FNDC1: variants seen among roughly 807,000 people sequenced by gnomAD.
FNDC1 encodes the protein fibronectin type III domain-containing protein 1.
In FNDC1, 96 loss-of-function variants were observed where a neutral mutation model predicts 168.0. The observed-to-expected ratio is 0.57, with a 90% confidence interval of 0.48 to 0.68. The LOEUF (loss-of-function observed/expected upper bound fraction) is 0.68, where lower values mean the gene tolerates loss of function less well. Ranked by LOEUF, FNDC1 falls within the 30% of genes least tolerant of loss-of-function variation. FNDC1 has a pLI of 0.00. For synonymous variants in FNDC1, 1,099 were observed against 1,025.9 expected (o/e 1.07, Z -1.36); for missense variants, 2,587 against 2,482.1 (o/e 1.04, Z -0.90).
intron 22 of FNDC1, among the ~76,000 whole-genome samples, chr6:159,270,365 G>A (rs1199159807): frequency 6.6e-6 from 1 of 152,186 alleles, no homozygotes; most frequent in Non-Finnish European, 1.5e-5. Flanking sequence ...CAGATATATA[G>A]CCTAGTCCAG....
intron 22 of FNDC1, 46 bp downstream of exon 22, chr6:159,267,972 C>G (rs560889): frequency 0.3 from 467,900 of 1,573,222 alleles, 74,078 homozygotes; most frequent in African/African-American, 0.57. Flanking sequence ...AGGTGGGAGA[C>G]AAGGATTAAT....
intron 1 of FNDC1, among the ~76,000 whole-genome samples, chr6:159,170,702 G>A (rs1781635018): frequency 6.6e-6 from 1 of 152,130 alleles, no homozygotes. Flanking sequence ...AGAAAAGTTG[G>A]GGATCACATT....
intron 8 of FNDC1, 106 bp from the exon 9 acceptor site, chr6:159,226,367 G>A (rs1323979405): frequency 1.0e-5 from 8 of 778,202 alleles, no homozygotes; most frequent in African/African-American, 1.8e-5. Flanking sequence ...AATTAACACA[G>A]TAGGTCTTCA....
At chr6:159,220,822 G>T (rs426709) in intron 5 of FNDC1, among the ~76,000 whole-genome samples, 69,387 of 151,652 alleles carry the variant, frequency 0.46, 17,259 homozygotes, top group East Asian at 0.66. Flanking sequence ...CCCTCCCTGT[G>T]CACGGGTTTG....
rs372728784 is a variant in FNDC1 at position 159,251,446 on chromosome 6, G to A, written c.4979G>A (p.Arg1660His). 61 of 1,613,696 alleles carry A rather than the reference G, an allele frequency of 3.8e-5. No homozygotes were observed. The highest frequency in any genetic ancestry group is 1.6e-4 in the Middle Eastern group (1 of 6,084). The change falls in exon 17 of 23, where the codon CGC becomes CAC. Residue 1660 changes from arginine to histidine, a missense_variant. Coordinates refer to ENST00000297267, the MANE Select transcript of FNDC1 (RefSeq NM_032532.3). Reference sequence around the variant, plus strand: ...GACCTGCCTCCCCAGCATGCTCCCCGCAACATCACCGTGGTGGCCGTGGAA... The same window carrying A: ...GACCTGCCTCCCCAGCATGCTCCCCACAACATCACCGTGGTGGCCGTGGAA... ...KSDLPPQHAP[R>H]NITVVAVEGC...
chr6:159,180,960 A>C (rs988605783), intron 1 of FNDC1, among the ~76,000 whole-genome samples: 2 of 152,186 alleles, frequency 1.3e-5, no homozygotes, highest in African/African-American at 2.4e-5. Flanking sequence ...ATGTATCTTT[A>C]TAATAGAATT....
Position 159,231,972 on chromosome 6 carries a change from C to T in FNDC1, c.1460C>T (p.Ser487Phe). The T allele has an allele frequency of 1.2e-6, 2 of 1,614,014 alleles. No homozygotes were observed. The highest frequency in any genetic ancestry group is 1.7e-6 in the Non-Finnish European group (2 of 1,179,892). The change falls in exon 11 of 23, where the codon TCC becomes TTC. Residue 487 changes from serine (S) to phenylalanine (F), a missense_variant. By Grantham distance (155) the Ser-to-Phe change is radical. Coordinates refer to ENST00000297267, the MANE Select transcript of FNDC1 (RefSeq NM_032532.3). ...PSSPSPRAPASSQHPSVPASP... is the reference protein window; with the variant it reads ...PSSPSPRAPAFSQHPSVPASP... ...TCACCTTCTCCCAGAGCTCCAGCTTCCTCCCAACACCCCTCTGTGCCTGCT... is the reference window on the plus strand; with the variant it reads ...TCACCTTCTCCCAGAGCTCCAGCTTTCTCCCAACACCCCTCTGTGCCTGCT...
intron 4 of FNDC1, among the ~76,000 whole-genome samples, chr6:159,207,256 TA>T (rs757711003): frequency 9.9e-5 from 15 of 152,136 alleles, no homozygotes; most frequent in Non-Finnish European, 1.9e-4. Context: ...GGCCCTTTCT[TA>T]GGACACCAGG....
chr6:159,194,072 G>GTCTT (rs1352851207), intron 1 of FNDC1, among the ~76,000 whole-genome samples: 2 of 152,202 alleles, frequency 1.3e-5, no homozygotes, highest in Non-Finnish European at 2.9e-5. Flanking sequence ...GCTCTTACTG[G>GTCTT]CTTTCTTCTT....
intron 15 of FNDC1, 25 bp from the exon 16 acceptor site, chr6:159,249,014 T>C: frequency 6.3e-7 from 1 of 1,579,542 alleles, no homozygotes; most frequent in Non-Finnish European, 8.6e-7. Flanking sequence ...CAGTGCCCAA[T>C]TACAGAGCCT....
intron 19 of FNDC1, among the ~76,000 whole-genome samples, chr6:159,261,850 C>A (rs986207188): frequency 6.6e-6 from 1 of 152,112 alleles, no homozygotes; most frequent in African/African-American, 2.4e-5. Flanking sequence ...GCCTGTAATC[C>A]CAACACTTTG....
chr6:159,181,861 G>A (rs553083137), intron 1 of FNDC1, among the ~76,000 whole-genome samples: 10 of 152,322 alleles, frequency 6.6e-5, no homozygotes, highest in African/African-American at 1.9e-4. Flanking sequence ...TCCATGGGCC[G>A]TGGATCTGAC....
At chr6:159,196,713 A>T (rs1782247693) in intron 1 of FNDC1, among the ~76,000 whole-genome samples, 1 of 152,200 alleles carries the variant, frequency 6.6e-6, no homozygotes, top group African/African-American at 2.4e-5. Context: ...TCAGTTACAT[A>T]GTGAGTAGAG....
intron 19 of FNDC1, among the ~76,000 whole-genome samples, chr6:159,261,995 C>A (rs1466521619): frequency 9.9e-5 from 15 of 152,098 alleles, no homozygotes; most frequent in Non-Finnish European, 1.5e-5. Flanking sequence ...GTAGTCCCAG[C>A]TACTCAGGAG....
In FNDC1 at chr6:159,185,875, C is replaced by A. The variant is rs554990330; in HGVS notation, c.110-11556C>A. Reference sequence around the variant, plus strand: ...TAGTAGAAGGCAAGGGAGAAAGAAGCTGGGAATAGCTTTTGGGTAGCCAAT... The same window carrying A: ...TAGTAGAAGGCAAGGGAGAAAGAAGATGGGAATAGCTTTTGGGTAGCCAAT... On this transcript the variant is annotated intron_variant, in intron 1 of 22. Coordinates refer to ENST00000297267, the MANE Select transcript of FNDC1 (RefSeq NM_032532.3). Among the ~76,000 whole-genome samples the A allele has an allele frequency of 3.0e-4, 45 of 152,272 alleles. 2 individuals carry two copies. The South Asian group carries it at 9.3e-3, about 32-fold the overall frequency.
intron 1 of FNDC1, among the ~76,000 whole-genome samples, chr6:159,179,917 C>G (rs1289596957): frequency 1.3e-5 from 2 of 152,152 alleles, no homozygotes; most frequent in Non-Finnish European, 2.9e-5. Context: ...GGGACAGTGC[C>G]CTGCTTCCCT....
intron 1 of FNDC1, among the ~76,000 whole-genome samples, chr6:159,172,056 A>T (rs971735465): frequency 6.6e-6 from 1 of 151,918 alleles, no homozygotes; most frequent in Non-Finnish European, 1.5e-5. Context: ...CTTTGCAGTT[A>T]AAAAAAATTT....
At chr6:159,188,953 T>C (rs1562630228) in intron 1 of FNDC1, among the ~76,000 whole-genome samples, 1 of 152,042 alleles carries the variant, frequency 6.6e-6, no homozygotes. Context: ...GGTTTCACCA[T>C]GTTGGCCAGG....
Position 159,238,556 on chromosome 6 carries a change from T to C in FNDC1, c.4071T>C (p.Val1357=), listed in dbSNP as rs1413857222. ...IINGPQGTKW[V]VDLDRGLVLN... The stretch of plus-strand genomic sequence containing the variant: ...TTTAATCTATGTCATGGATTTAGGT[T>C]GTGGACCTTGATCGTGGGTTAGTAT... The change falls in exon 13 of 23, where the codon GTT becomes GTC. Residue 1357 remains valine (V), a splice_region_variant and synonymous_variant. Transcript: ENST00000297267. The C allele has an allele frequency of 6.2e-7, 1 of 1,605,524 alleles. No individual in the cohort carries two copies. Among genetic ancestry groups the C allele is most frequent in the Non-Finnish European group, 8.5e-7 (1 of 1,175,012 alleles).
Sources: allele counts gnomAD v4.1 joint callset (sites outside exome capture counted in the v4.1 genomes callset), GRCh38; gene constraint gnomAD v4.1.1; transcripts MANE v1.5; gene names NCBI Gene and HGNC (gene_info 2026-07-23, HGNC 2026-07-21).